Variants in ZIC1 observed in about 807,000 individuals in gnomAD.
The protein encoded by ZIC1 is zinc finger protein ZIC 1.
ZIC1 carries 4 observed loss-of-function variants against 30.9 expected under a neutral mutation model. The observed-to-expected ratio is 0.13, with a 90% confidence interval of 0.06 to 0.30. ZIC1 has a LOEUF of 0.30. Ranked by LOEUF, ZIC1 falls within the 10% of genes least tolerant of loss-of-function variation. ZIC1 has a pLI of 1.00. For synonymous variants in ZIC1, 305 were observed against 277.5 expected (o/e 1.10, Z -0.98); for missense variants, 441 against 639.3 (o/e 0.69, Z 3.34).
At position 147,413,461 on chromosome 3, in the gene ZIC1, C is replaced by T; in HGVS notation, c.1254C>T (p.Thr418=). ...TIVSPSTDNP[T]TSSLSPSSSA... is the part of the protein sequence containing the mutation. ...TGTCTCCCTCCACAGACAACCCGAC[C>T]ACAAGCTCCTTATCGCCCTCCTCCT... The change falls in exon 3 of 3, where the codon ACC becomes ACT. Residue 418 remains threonine, a synonymous_variant. Coordinates refer to ENST00000282928, the MANE Select transcript of ZIC1 (RefSeq NM_003412.4). The T allele has an allele frequency of 6.2e-7, 1 of 1,614,214 alleles. No individual in the cohort carries two copies. Among genetic ancestry groups the T allele is most frequent in the Non-Finnish European group, 8.5e-7 (1 of 1,180,048 alleles).
intron 1 of ZIC1, among the ~76,000 whole-genome samples, chr3:147,411,758 G>A (rs1394373709): frequency 6.6e-6 from 1 of 151,942 alleles, no homozygotes; most frequent in Non-Finnish European, 1.5e-5. Context: ...GACTCCATGA[G>A]GGTGTTTTCA....
chr3:147,410,061 T>A lies in ZIC1; in HGVS notation c.-52T>A. 1 of 1,118,222 alleles carries A rather than the reference T, an allele frequency of 8.9e-7. No homozygotes were observed. The highest frequency in any genetic ancestry group is 1.1e-6 in the Non-Finnish European group (1 of 891,632). The allele number at this position is 1,118,222 out of a possible 1,614,324, so 69.3% of individuals were successfully genotyped here. A position where few individuals can be genotyped will look rare whatever the true frequency, so the allele number is the denominator to read the frequency against. On this transcript the variant is annotated 5_prime_UTR_variant, in exon 1 of 3. Coordinates refer to ENST00000282928, the MANE Select transcript of ZIC1 (RefSeq NM_003412.4). ...CTCCTCCCGATTTTCCCTCCTCGGCTGGCGAGGGTGGGGGGGGCGGGGGAG... is the reference window on the plus strand; with the variant it reads ...CTCCTCCCGATTTTCCCTCCTCGGCAGGCGAGGGTGGGGGGGGCGGGGGAG...
At position 147,410,326 on chromosome 3, in the gene ZIC1, G is replaced by T; in HGVS notation, c.214G>T (p.Ala72Ser). The change falls in exon 1 of 3, where the codon GCG becomes TCG. Residue 72 changes from alanine to serine, a missense_variant. Around this residue, in one of 5 missense-constraint regions of ZIC1, gnomAD observed 307 missense variants for 355.3 expected, o/e 0.86. Transcript: ENST00000282928. Reference sequence around the variant, plus strand: ...CTTCACGTCGCAGGCGCCAGGCTACGCGGCTGCTGCGGCCCTGGGCCATCA... The same window carrying T: ...CTTCACGTCGCAGGCGCCAGGCTACTCGGCTGCTGCGGCCCTGGGCCATCA... ...TAFTSQAPGYAAAAALGHHHH... is the reference protein window; with the variant it reads ...TAFTSQAPGYSAAAALGHHHH... 1 of 1,599,470 alleles carries T rather than the reference G, an allele frequency of 6.3e-7. No individual in the cohort carries two copies. The highest frequency in any genetic ancestry group is 8.5e-7 in the Non-Finnish European group (1 of 1,179,034).
In ZIC1 at chr3:147,409,866, T is replaced by A. The variant is rs1240758399; in HGVS notation, c.-247T>A. On this transcript the variant is annotated 5_prime_UTR_variant, in exon 1 of 3. Transcript: ENST00000282928. ...CCGGCAGAATCTGCCTGGCGGGCGCTGGAGCCTGCGTTACTCGCGGCCCGC... is the reference window on the plus strand; with the variant it reads ...CCGGCAGAATCTGCCTGGCGGGCGCAGGAGCCTGCGTTACTCGCGGCCCGC... 4 of 497,908 alleles carry A rather than the reference T, an allele frequency of 8.0e-6. No homozygotes were observed. The highest frequency in any genetic ancestry group is 6.1e-5 in the African/African-American group (3 of 48,876). The allele number at this position is 497,908 out of a possible 1,614,324, so 30.8% of individuals were successfully genotyped here.
At position 147,412,707 on chromosome 3, in the gene ZIC1, C is replaced by G. The variant is rs774442387; in HGVS notation, c.1146+26C>G. 1.9e-6 allele frequency: 3 copies of G among 1,597,378 alleles called. No homozygotes were observed. The African/African-American group carries it at 4.0e-5, about 21-fold the overall frequency. ...GTAATCGCCGCACTCTCGTCGCCCC[C>G]TTTGAGGCAGGAGCTCTCTTGGCTC... On this transcript the variant is annotated intron_variant, in intron 2 of 2. Transcript: ENST00000282928.
At chr3:147,413,328 G>T in intron 2 of ZIC1, 26 bp from the exon 3 acceptor site, 1 of 1,605,526 alleles carries the variant, frequency 6.2e-7, no homozygotes, top group Non-Finnish European at 8.5e-7. Context: ...CTTTATGTCC[G>T]TAAAAACGCG....
chr3:147,410,247 C>A lies in ZIC1; in HGVS notation c.135C>A (p.Gly45=), dbSNP rs2087356056. ...LGINPFADGM[G]AFKLNPSSHE... ...TCAACCCGTTCGCCGACGGCATGGG[C>A]GCCTTCAAGCTCAACCCCAGTTCGC... Residue 45 remains glycine (G), a synonymous_variant, in exon 1 of 3, where the codon GGC becomes GGA. Transcript: ENST00000282928. The A allele has an allele frequency of 8.7e-6, 14 of 1,601,160 alleles. No individual in the cohort carries two copies. The highest frequency in any genetic ancestry group is 1.1e-5 in the Non-Finnish European group (13 of 1,179,688).
chr3:147,411,962 A>C (rs967082907), intron 1 of ZIC1, among the ~76,000 whole-genome samples: 4 of 152,088 alleles, frequency 2.6e-5, no homozygotes, highest in Non-Finnish European at 4.4e-5. Context: ...AGATCTGAGA[A>C]CCATGCTTGA....
rs1451595680 is a variant in ZIC1 at position 147,415,746 on chromosome 3, A to T, written c.*2195A>T. On this transcript the variant is annotated 3_prime_UTR_variant, in exon 3 of 3. Transcript: ENST00000282928. ...CCACAAAGTATAACAACCCCTTAAG[A>T]TACATCTATTTTAAAGTGAAATTAA... The T allele has an allele frequency of 6.6e-6, 1 of 152,236 alleles. No homozygotes were observed. The highest frequency in any genetic ancestry group is 1.5e-5 in the Non-Finnish European group (1 of 68,040). 9.4% of individuals were successfully genotyped at this position (152,236 alleles called of 1,614,324 possible).
In ZIC1 at chr3:147,414,534, C is replaced by T. The variant is rs2087416368; in HGVS notation, c.*983C>T. ...TTTCCAGAACTGTTTGGTAACCTTTCGTACCTTATTAAAGATTCTTAAATC... is the reference window on the plus strand; with the variant it reads ...TTTCCAGAACTGTTTGGTAACCTTTTGTACCTTATTAAAGATTCTTAAATC... On this transcript the variant is annotated 3_prime_UTR_variant, in exon 3 of 3. Transcript: ENST00000282928. The T allele has an allele frequency of 6.6e-6, 1 of 152,528 alleles. No homozygotes were observed. 9.4% of individuals were successfully genotyped at this position (152,528 alleles called of 1,614,324 possible).
rs1435673651 is a variant in ZIC1, at chr3:147,415,802, A to G, written c.*2251A>G. On this transcript the variant is annotated 3_prime_UTR_variant, in exon 3 of 3. Coordinates refer to ENST00000282928, the MANE Select transcript of ZIC1 (RefSeq NM_003412.4). ...CAGTTTATACCATTGGCCAATTACAAGATAAAAATGTTCAATTTCTTTAAG... is the reference window on the plus strand; with the variant it reads ...CAGTTTATACCATTGGCCAATTACAGGATAAAAATGTTCAATTTCTTTAAG... 2 of 152,232 alleles carry G rather than the reference A, an allele frequency of 1.3e-5. No homozygotes were observed. The highest frequency in any genetic ancestry group is 3.8e-4 in the East Asian group (2 of 5,206). 9.4% of individuals were successfully genotyped at this position (152,232 alleles called of 1,614,324 possible).
rs1221908948 is a variant in ZIC1 at position 147,410,039 on chromosome 3, C to T, written c.-74C>T. ...CCTCCTCCTCTTGTTCCTCCTCCTCCTCCCGATTTTCCCTCCTCGGCTGGC... is the reference window on the plus strand; with the variant it reads ...CCTCCTCCTCTTGTTCCTCCTCCTCTTCCCGATTTTCCCTCCTCGGCTGGC... On this transcript the variant is annotated 5_prime_UTR_variant, in exon 1 of 3. Coordinates refer to ENST00000282928, the MANE Select transcript of ZIC1 (RefSeq NM_003412.4). 5 of 1,401,764 alleles carry T rather than the reference C, an allele frequency of 3.6e-6. No individual in the cohort carries two copies. The highest frequency in any genetic ancestry group is 5.9e-5 in the Admixed American group (2 of 34,128). 86.8% of individuals were successfully genotyped at this position (1,401,764 alleles called of 1,614,324 possible).
Position 147,410,132 on chromosome 3 carries a change from C to A in ZIC1, c.20C>A (p.Pro7His). MLLDAG[P>H]QYPAIGVTTF... ...GCCACGATGCTCCTGGACGCCGGCC[C>A]CCAGTACCCAGCGATCGGCGTGACC... The change falls in exon 1 of 3, where the codon CCC (proline) becomes CAC (histidine). Residue 7 changes from proline (P) to histidine (H), a missense_variant. Physicochemically the swap from Pro to His is moderately conservative, Grantham distance 77. Transcript: ENST00000282928. The A allele has an allele frequency of 6.3e-7, 1 of 1,585,910 alleles. No individual in the cohort carries two copies. Among genetic ancestry groups the A allele is most frequent in the Non-Finnish European group, 8.5e-7 (1 of 1,173,476 alleles).
rs965874405 is a variant in ZIC1 at position 147,414,307 on chromosome 3, G to A, written c.*756G>A. 1.3e-5 allele frequency: 2 copies of A among 152,478 alleles called. No homozygotes were observed. The highest frequency in any genetic ancestry group is 2.1e-4 in the South Asian group (1 of 4,820). 9.4% of individuals were successfully genotyped at this position (152,478 alleles called of 1,614,324 possible). On this transcript the variant is annotated 3_prime_UTR_variant, in exon 3 of 3. Transcript: ENST00000282928. ...TCGTATAGTACGAGCCTGGATCTGC[G>A]TGTCAAACTGTTCCATTTGTTTATG...
rs1400493087 is a variant in ZIC1 at position 147,413,609 on chromosome 3, C to T, written c.*58C>T. Reference sequence around the variant, plus strand: ...TTAAGAGACTGATCACACACGTATACACAACATTACTGAAAGAACCCTGCG... The same window carrying T: ...TTAAGAGACTGATCACACACGTATATACAACATTACTGAAAGAACCCTGCG... On this transcript the variant is annotated 3_prime_UTR_variant, in exon 3 of 3. Transcript: ENST00000282928. The T allele has an allele frequency of 6.4e-7, 1 of 1,569,660 alleles. No individual in the cohort carries two copies. The highest frequency in any genetic ancestry group is 1.8e-5 in the Admixed American group (1 of 55,956).
rs1173094783 is a variant in ZIC1, at chr3:147,416,651, G to A, written c.*3100G>A. 2 of 152,202 alleles carry A rather than the reference G, an allele frequency of 1.3e-5. No homozygotes were observed. Among genetic ancestry groups the A allele is most frequent in the East Asian group, 3.9e-4 (2 of 5,184 alleles). The allele number at this position is 152,202 out of a possible 1,614,324, so 9.4% of individuals were successfully genotyped here. On this transcript the variant is annotated 3_prime_UTR_variant, in exon 3 of 3. Transcript: ENST00000282928. ...TTTTTAAGAAAACATTTGAAGAGTA[G>A]TGTGTTTGCATTTGTGAATAATCTT...
In ZIC1 at chr3:147,409,828, A is replaced by C; in HGVS notation, c.-285A>C. 2.2e-6 allele frequency: 1 copy of C among 447,022 alleles called. No individual in the cohort carries two copies. The highest frequency in any genetic ancestry group is 3.9e-6 in the Non-Finnish European group (1 of 253,990). The allele number at this position is 447,022 out of a possible 1,614,324, so 27.7% of individuals were successfully genotyped here. ...CTCGGCAGAGACTGAGCGGCGAGAA[A>C]GTGCGAGCCGGGCCGGCAGAATCTG... On this transcript the variant is annotated 5_prime_UTR_variant, in exon 1 of 3. Coordinates refer to ENST00000282928, the MANE Select transcript of ZIC1 (RefSeq NM_003412.4).
chr3:147,409,821 G>T lies in ZIC1; in HGVS notation c.-292G>T. The T allele has an allele frequency of 2.2e-6, 1 of 451,396 alleles. No homozygotes were observed. Among genetic ancestry groups the T allele is most frequent in the Non-Finnish European group, 3.9e-6 (1 of 256,608 alleles). 28.0% of individuals were successfully genotyped at this position (451,396 alleles called of 1,614,324 possible). ...CGGCCCTCTCGGCAGAGACTGAGCG[G>T]CGAGAAAGTGCGAGCCGGGCCGGCA... is the stretch of plus-strand genomic sequence containing the variant. On this transcript the variant is annotated 5_prime_UTR_variant, in exon 1 of 3. Coordinates refer to ENST00000282928, the MANE Select transcript of ZIC1 (RefSeq NM_003412.4).
Position 147,415,046 on chromosome 3 carries a change from G to A in ZIC1, c.*1495G>A, listed in dbSNP as rs1312829639. 1 of 152,576 alleles carries A rather than the reference G, an allele frequency of 6.6e-6. No homozygotes were observed. The highest frequency in any genetic ancestry group is 1.9e-4 in the East Asian group (1 of 5,196). 9.5% of individuals were successfully genotyped at this position (152,576 alleles called of 1,614,324 possible). A position where few individuals can be genotyped will look rare whatever the true frequency, so the allele number is the denominator to read the frequency against. On this transcript the variant is annotated 3_prime_UTR_variant, in exon 3 of 3. Transcript: ENST00000282928. ...ATTTATGACCATAACTAATTTTCAG[G>A]ATGTCGATGCATGCTTTTCCAGGCC...
Sources: gnomAD v4.1 joint callset for allele counts (sites outside exome capture counted in the v4.1 genomes callset) on GRCh38, gnomAD v4.1.1 for gene constraint, gnomAD v4.1.1 regional missense constraint, MANE v1.5 for transcripts, NCBI Gene and HGNC (gene_info 2026-07-23, HGNC 2026-07-21) for gene names.